The following POLA1 variants were observed in gnomAD, a reference collection of about 807,000 sequenced individuals.
POLA1 encodes the protein DNA polymerase alpha catalytic subunit.
POLA1 carries 15 observed loss-of-function variants against 124.0 expected under a neutral mutation model. The observed-to-expected ratio is 0.12, with a 90% CI of 0.08 to 0.19. The LOEUF (loss-of-function observed/expected upper bound fraction) is 0.19, where lower values mean the gene tolerates loss of function less well. Ranked by LOEUF, POLA1 falls within the 10% of genes least tolerant of loss-of-function variation. POLA1 has a pLI of 1.00. For missense variants in POLA1, 886 were observed against 1,103.4 expected, an observed-to-expected ratio of 0.80 and a Z score of 2.79; for synonymous variants, 408 against 389.4, an observed-to-expected ratio of 1.05 and a Z score of -0.56.
intron 34 of POLA1, among the ~76,000 whole-genome samples, chrX:24,881,474 T>A (rs902988453): frequency 8.9e-6 from 1 of 111,927 alleles, no homozygotes; most frequent in Non-Finnish European, 1.9e-5. Flanking sequence ...AGAAAGAGGT[T>A]CAGTGAGTTG....
intron 15 of POLA1, among the ~76,000 whole-genome samples, chrX:24,729,905 A>G (rs1403962678): frequency 3.6e-5 from 4 of 110,011 alleles, no homozygotes; most frequent in African/African-American, 1.3e-4. Flanking sequence ...CCCAGGTTCC[A>G]GTGATTCTCC....
At chrX:24,888,826 G>A (rs1383793633) in intron 35 of POLA1, among the ~76,000 whole-genome samples, 6 of 107,606 alleles carry the variant, frequency 5.6e-5, no homozygotes, top group East Asian at 2.9e-4. Context: ...CGCCCACCTC[G>A]GTCTCCCAAA....
At chrX:24,939,788 C>T (rs931669610) in intron 36 of POLA1, among the ~76,000 whole-genome samples, 8 of 111,154 alleles carry the variant, frequency 7.2e-5, no homozygotes, top group African/African-American at 2.6e-4. Flanking sequence ...TTTTTTGTGA[C>T]TATGGAGTGT....
chrX:24,921,193 C>T (rs770336864), intron 35 of POLA1, among the ~76,000 whole-genome samples: 8 of 112,428 alleles, frequency 7.1e-5, no homozygotes, highest in Non-Finnish European at 1.5e-4. Flanking sequence ...TATGCAAGTG[C>T]AAGGGTTGTG....
At chrX:24,888,644 G>T (rs2047099821) in intron 35 of POLA1, among the ~76,000 whole-genome samples, 1 of 76,269 alleles carries the variant, frequency 1.3e-5, no homozygotes, top group Non-Finnish European at 2.3e-5. Flanking sequence ...GTCTTGCTCT[G>T]TTGCCAGGCT....
intron 35 of POLA1, among the ~76,000 whole-genome samples, chrX:24,892,417 A>T (rs777898217): frequency 1.8e-5 from 2 of 111,415 alleles, no homozygotes; most frequent in Admixed American, 9.6e-5. Flanking sequence ...ATAAAAGTTG[A>T]TGTTATTTTT....
intron 36 of POLA1, among the ~76,000 whole-genome samples, chrX:24,970,620 A>T (rs924366569): frequency 2.7e-5 from 3 of 111,973 alleles, no homozygotes; most frequent in Non-Finnish European, 5.6e-5. Flanking sequence ...GGAAAAAAAA[A>T]AATTAAAAAG....
chrX:24,845,129 T>C (rs2046459479), intron 34 of POLA1, among the ~76,000 whole-genome samples: 1 of 112,280 alleles, frequency 8.9e-6, no homozygotes, highest in South Asian at 3.7e-4. Context: ...GACTGATTTC[T>C]AACCTAATTG....
intron 10 of POLA1, among the ~76,000 whole-genome samples, chrX:24,720,517 AT>A (rs1930138220): frequency 8.9e-6 from 1 of 112,125 alleles, no homozygotes; most frequent in Non-Finnish European, 1.9e-5. Context: ...ATTTGCTACT[AT>A]TCCTGAGTTT....
At chrX:24,720,690 T>C (rs1201777346) in intron 10 of POLA1, among the ~76,000 whole-genome samples, 1 of 112,157 alleles carries the variant, frequency 8.9e-6, no homozygotes, top group East Asian at 2.8e-4. Context: ...AACAACCTTC[T>C]TTCTTTCTTA....
intron 35 of POLA1, among the ~76,000 whole-genome samples, chrX:24,918,245 C>T (rs1334160588): frequency 9.1e-6 from 1 of 109,605 alleles, no homozygotes; most frequent in Non-Finnish European, 1.9e-5. Context: ...TCGAATATTC[C>T]TAAGCATCAT....
chrX:24,723,056 T>A, intron 10 of POLA1, 99 bp from the exon 11 acceptor site: 1 of 581,741 alleles, frequency 1.7e-6, no homozygotes. Context: ...ATCATGAAGG[T>A]ATAAATGTGT....
chrX:24,961,603 C>T (rs1249337901), intron 36 of POLA1, among the ~76,000 whole-genome samples: 1 of 111,213 alleles, frequency 9.0e-6, no homozygotes, highest in Non-Finnish European at 1.9e-5. Context: ...TTTCTACTTC[C>T]TCTTCTCCCA....
intron 34 of POLA1, among the ~76,000 whole-genome samples, chrX:24,862,587 A>G (rs2046731841): frequency 9.0e-6 from 1 of 111,470 alleles, no homozygotes; most frequent in Non-Finnish European, 1.9e-5. Flanking sequence ...TAATCTTTAA[A>G]CAATCTCTAG....
chrX:24,703,747 A>G (rs1049413868), intron 3 of POLA1, among the ~76,000 whole-genome samples: 3 of 111,935 alleles, frequency 2.7e-5, no homozygotes, highest in African/African-American at 9.7e-5. Context: ...TCTGCGCCTT[A>G]GAGTCTTCAT....
chrX:24,802,853 C>A (rs1215900939), intron 26 of POLA1, among the ~76,000 whole-genome samples: 1 of 111,180 alleles, frequency 9.0e-6, no homozygotes, highest in Non-Finnish European at 1.9e-5. Flanking sequence ...CAAAAATTAG[C>A]TGGGCGTGGT....
At chrX:24,708,229 C>T (rs943474359) in intron 4 of POLA1, among the ~76,000 whole-genome samples, 4 of 111,305 alleles carry the variant, frequency 3.6e-5, no homozygotes, top group Non-Finnish European at 5.7e-5. Context: ...CATACACTAT[C>T]AAGACCTGAA....
chrX:24,899,798 C>T (rs997300309), intron 35 of POLA1, among the ~76,000 whole-genome samples: 8 of 111,514 alleles, frequency 7.2e-5, no homozygotes, highest in African/African-American at 2.3e-4. Flanking sequence ...GGATAGTGCG[C>T]CTCACCTCTG....
intron 26 of POLA1, among the ~76,000 whole-genome samples, chrX:24,751,529 G>T (rs978469975): frequency 9.0e-6 from 1 of 111,575 alleles, no homozygotes; most frequent in African/African-American, 3.3e-5. Flanking sequence ...TTTACCCTTT[G>T]CTGTTTCCCT....
Sources: allele counts gnomAD v4.1 joint callset (sites outside exome capture counted in the v4.1 genomes callset), GRCh38; gene constraint gnomAD v4.1.1; transcripts MANE v1.5; gene names NCBI Gene and HGNC (gene_info 2026-07-23, HGNC 2026-07-21).